LRRC72: variants seen among roughly 807,000 people sequenced by gnomAD.
The protein encoded by LRRC72 is leucine-rich repeat-containing protein 72.
LRRC72 carries 41 observed loss-of-function variants against 35.8 expected under a neutral mutation model. The ratio of observed to expected loss-of-function variants is 1.15; its 90% CI spans 0.89 to 1.49. The LOEUF (loss-of-function observed/expected upper bound fraction) is 1.49. Ranked by LOEUF, LRRC72 falls within the 40% of genes most tolerant of loss-of-function variation. The pLI is 0.00. For synonymous variants in LRRC72, 118 were observed against 119.2 expected (o/e 0.99, Z 0.07); for missense variants, 389 against 330.7 (o/e 1.18, Z -1.37).
intron 5 of LRRC72, among the ~76,000 whole-genome samples, chr7:16,561,380 C>A (rs1562748744): frequency 6.6e-6 from 1 of 152,108 alleles, no homozygotes; most frequent in African/African-American, 2.4e-5. Flanking sequence ...GAGTTATGCC[C>A]ATAGTAATAA....
chr7:16,540,171 G>C (rs533092585), intron 3 of LRRC72, among the ~76,000 whole-genome samples: 1 of 152,334 alleles, frequency 6.6e-6, no homozygotes, highest in South Asian at 2.1e-4. Flanking sequence ...AGCTGCCCAA[G>C]GCCATAGGAG....
chr7:16,560,854 G>A (rs1046096012), intron 5 of LRRC72, among the ~76,000 whole-genome samples: 3 of 151,992 alleles, frequency 2.0e-5, no homozygotes, highest in Non-Finnish European at 4.4e-5. Context: ...TCAATAAAAC[G>A]ATATTTTAAA....
intron 5 of LRRC72, among the ~76,000 whole-genome samples, chr7:16,559,440 T>C (rs1480218985): frequency 6.6e-6 from 1 of 152,100 alleles, no homozygotes; most frequent in Non-Finnish European, 1.5e-5. Flanking sequence ...CTAGATCTTA[T>C]TGTCTTTTAA....
rs10224279 is a variant in LRRC72 at position 16,551,146 on chromosome 7, C to T, written c.235-6214C>T. On this transcript the variant is annotated intron_variant, in intron 3 of 8. Coordinates refer to ENST00000401542, the MANE Select transcript of LRRC72 (RefSeq NM_001195280.2). ...TAAAATCCTTATAACAAAAAGGAGA[C>T]TAGGACAGAGAGAGCCAGAGACTAG... 5.3e-3 allele frequency among the ~76,000 whole-genome samples: 808 copies of T among 152,222 alleles called. 7 individuals carry two copies. The highest frequency in any genetic ancestry group is 0.018 in the African/African-American group (756 of 41,508).
At chr7:16,579,602 T>C (rs945817489) in intron 7 of LRRC72, among the ~76,000 whole-genome samples, 23 of 152,156 alleles carry the variant, frequency 1.5e-4, no homozygotes, top group African/African-American at 4.3e-4. Flanking sequence ...GATCTAGTAT[T>C]TGTTTATTCC....
rs1782866418 is a variant in LRRC72 at position 16,567,481 on chromosome 7, T to C, written c.608T>C (p.Val203Ala). ...CAATCAATAGCATTCGGAGGAAAAG[T>C]GGATGCTTCATGGGATCCTAAATCA... ...IVQSIAFGGK[V>A]DASWDPKSPF... The change falls in exon 7 of 9, where the codon GTG (valine) becomes GCG (alanine). Residue 203 changes from valine (V) to alanine (A), a missense_variant. Physicochemically the swap from Val to Ala is moderately conservative, Grantham distance 64. Transcript: ENST00000401542. The C allele has an allele frequency of 6.5e-7, 1 of 1,531,838 alleles. No individual in the cohort carries two copies. The highest frequency in any genetic ancestry group is 8.8e-7 in the Non-Finnish European group (1 of 1,138,058). 94.9% of individuals were successfully genotyped at this position (1,531,838 alleles called of 1,614,324 possible).
intron 7 of LRRC72, among the ~76,000 whole-genome samples, chr7:16,572,009 G>A (rs1782954792): frequency 6.6e-6 from 1 of 152,176 alleles, no homozygotes; most frequent in Admixed American, 6.5e-5. Context: ...GCTTGGTGGG[G>A]GGAGGGGCAT....
chr7:16,557,834 G>A (rs926021956), intron 4 of LRRC72, among the ~76,000 whole-genome samples: 6 of 152,028 alleles, frequency 3.9e-5, no homozygotes, highest in African/African-American at 1.5e-4. Flanking sequence ...AATTTTATAT[G>A]CAAAACACTC....
At chr7:16,559,371 G>C (rs969836655) in intron 5 of LRRC72, among the ~76,000 whole-genome samples, 1 of 151,694 alleles carries the variant, frequency 6.6e-6, no homozygotes, top group African/African-American at 2.4e-5. Flanking sequence ...TCTATCCTGG[G>C]TAACAGAGCA....
At chr7:16,542,240 C>T (rs1049125913) in intron 3 of LRRC72, among the ~76,000 whole-genome samples, 1 of 152,206 alleles carries the variant, frequency 6.6e-6, no homozygotes, top group Middle Eastern at 3.4e-3. Context: ...GATGCACCTG[C>T]GCTTAGAAAG....
At chr7:16,571,312 C>T (rs994055704) in intron 7 of LRRC72, among the ~76,000 whole-genome samples, 1 of 152,164 alleles carries the variant, frequency 6.6e-6, no homozygotes, top group African/African-American at 2.4e-5. Flanking sequence ...CCTTATACCC[C>T]CCTCCCTTTT....
chr7:16,537,324 C>T (rs987712068), intron 2 of LRRC72, among the ~76,000 whole-genome samples: 8 of 152,152 alleles, frequency 5.3e-5, no homozygotes, highest in African/African-American at 1.9e-4. Context: ...TGTCCTCTCC[C>T]CAGTAAAACT....
intron 1 of LRRC72, among the ~76,000 whole-genome samples, chr7:16,529,199 C>T (rs1481039564): frequency 3.3e-5 from 5 of 152,198 alleles, no homozygotes; most frequent in African/African-American, 1.2e-4. Context: ...CTGCCTTCCA[C>T]ATGCCTTTTA....
intron 3 of LRRC72, among the ~76,000 whole-genome samples, chr7:16,555,764 G>C (rs550535232): frequency 6.7e-6 from 1 of 148,688 alleles, no homozygotes; most frequent in South Asian, 2.2e-4. Flanking sequence ...GGGTGACAGA[G>C]ACTCCATCTC....
rs1031428448 is a variant in LRRC72 at position 16,581,391 on chromosome 7, A to G, written c.766A>G (p.Thr256Ala). 8 of 1,549,810 alleles carry G rather than the reference A, an allele frequency of 5.2e-6. No individual in the cohort carries two copies. In the African/African-American group the frequency reaches 5.5e-5, roughly 11 times the overall value. Residue 256 changes from threonine to alanine, a missense_variant, in exon 9 of 9, where the codon ACC (threonine) becomes GCC (alanine). Thr to Ala is a moderately conservative substitution (Grantham distance 58). Coordinates refer to ENST00000401542, the MANE Select transcript of LRRC72 (RefSeq NM_001195280.2). ...RSMKRSVMTLTSMNWDTVPTR... is the reference protein window; with the variant it reads ...RSMKRSVMTLASMNWDTVPTR... Reference sequence around the variant, plus strand: ...CATGAAGAGATCAGTGATGACTTTGACCTCTATGAACTGGGACACAGTTCC... The same window carrying G: ...CATGAAGAGATCAGTGATGACTTTGGCCTCTATGAACTGGGACACAGTTCC...
intron 1 of LRRC72, among the ~76,000 whole-genome samples, chr7:16,529,275 C>T (rs1343790865): frequency 7.2e-5 from 11 of 152,192 alleles, no homozygotes; most frequent in African/African-American, 2.4e-4. Context: ...GTTTTGTGCG[C>T]TTACTCTCCT....
intron 7 of LRRC72, among the ~76,000 whole-genome samples, chr7:16,578,547 C>T (rs1159408429): frequency 6.6e-6 from 1 of 152,090 alleles, no homozygotes; most frequent in Non-Finnish European, 1.5e-5. Flanking sequence ...AAATAGTATA[C>T]TATGAGTAAT....
chr7:16,528,611 A>G (rs7807244), intron 1 of LRRC72, among the ~76,000 whole-genome samples: 54,062 of 151,474 alleles, frequency 0.36, 9,805 homozygotes, highest in East Asian at 0.46. Flanking sequence ...CCCCACCCTG[A>G]GGGGGCAGGC....
At chr7:16,554,115 G>A (rs1782605381) in intron 3 of LRRC72, among the ~76,000 whole-genome samples, 1 of 152,102 alleles carries the variant, frequency 6.6e-6, no homozygotes, top group African/African-American at 2.4e-5. Flanking sequence ...GATTATCTGA[G>A]GTCAGGGGTT....
Sources: allele counts gnomAD v4.1 joint callset (sites outside exome capture counted in the v4.1 genomes callset), GRCh38; gene constraint gnomAD v4.1.1; transcripts MANE v1.5; gene names NCBI Gene and HGNC (gene_info 2026-07-23, HGNC 2026-07-21).